The following PRKACB variants were observed in gnomAD, a reference collection of about 807,000 sequenced individuals.
The protein encoded by PRKACB is cAMP-dependent protein kinase catalytic subunit beta.
A neutral mutation model predicts 51.4 loss-of-function variants in PRKACB; 16 were observed. That is an observed-to-expected ratio of 0.31 (90% CI 0.21 to 0.47). The LOEUF (loss-of-function observed/expected upper bound fraction) is 0.47. Among genes scored for constraint, PRKACB ranks in the 20% least tolerant of loss-of-function variants. PRKACB has a pLI of 1.00. For missense variants in PRKACB, 309 were observed against 464.5 expected, an observed-to-expected ratio of 0.67 and a Z score of 3.08; for synonymous variants, 147 against 154.4, an observed-to-expected ratio of 0.95 and a Z score of 0.35.
At chr1:84,195,883 A>G (rs1668100287) in intron 5 of PRKACB, among the ~76,000 whole-genome samples, 2 of 149,380 alleles carry the variant, frequency 1.3e-5, no homozygotes, top group Non-Finnish European at 3.0e-5. Flanking sequence ...ACTGCACTCC[A>G]GCCTGGGCAA....
intron 7 of PRKACB, among the ~76,000 whole-genome samples, chr1:84,200,075 G>A (rs183387799): frequency 2.6e-5 from 4 of 152,108 alleles, no homozygotes; most frequent in Admixed American, 1.3e-4. Context: ...TTGAACTCCC[G>A]ACCTCAAGTG....
At chr1:84,182,967 C>T (rs41300530) in intron 3 of PRKACB, among the ~76,000 whole-genome samples, 2 of 152,018 alleles carry the variant, frequency 1.3e-5, no homozygotes, top group Admixed American at 1.3e-4. Context: ...GATTTGAAAT[C>T]ATCTCAAGTC....
At chr1:84,215,711 T>C (rs1672783300) in intron 9 of PRKACB, among the ~76,000 whole-genome samples, 1 of 152,224 alleles carries the variant, frequency 6.6e-6, no homozygotes, top group African/African-American at 2.4e-5. Flanking sequence ...GTAACAGTAC[T>C]ATATTAATTG....
At chr1:84,206,039 C>T (rs1012138625) in intron 8 of PRKACB, among the ~76,000 whole-genome samples, 1 of 152,012 alleles carries the variant, frequency 6.6e-6, no homozygotes, top group Non-Finnish European at 1.5e-5. Context: ...TGTCTGGCTG[C>T]GTTACCCATG....
intron 1 of PRKACB, among the ~76,000 whole-genome samples, chr1:84,111,318 A>G (rs969900415): frequency 3.9e-5 from 6 of 152,120 alleles, no homozygotes; most frequent in African/African-American, 1.4e-4. Context: ...AGCGTGCCCC[A>G]AACACAAAAT....
chr1:84,231,772 C>A (rs1319276383), intron 9 of PRKACB, among the ~76,000 whole-genome samples: 10 of 152,004 alleles, frequency 6.6e-5, no homozygotes, highest in Admixed American at 2.6e-4. Flanking sequence ...GTGATATCCC[C>A]TTTATCATTT....
At chr1:84,117,749 T>C (rs1004573308) in intron 1 of PRKACB, among the ~76,000 whole-genome samples, 1 of 152,206 alleles carries the variant, frequency 6.6e-6, no homozygotes, top group African/African-American at 2.4e-5. Flanking sequence ...ACTAAACTTT[T>C]GTTGATCGTT....
At chr1:84,167,681 A>C (rs890480173) in intron 1 of PRKACB, among the ~76,000 whole-genome samples, 9 of 151,542 alleles carry the variant, frequency 5.9e-5, no homozygotes, top group African/African-American at 2.2e-4. Context: ...GTACCCAATA[A>C]ATACTTATAG....
At chr1:84,086,094 A>T in intron 1 of PRKACB, 2 of 1,430,452 alleles carry the variant, frequency 1.4e-6, no homozygotes, top group Non-Finnish European at 2.0e-6. Flanking sequence ...ATTGATGACC[A>T]CACAGACCTC....
rs185867313 is a variant in PRKACB at position 84,124,837 on chromosome 1, T to G, written c.46+46466T>G. ...GCTATAGTCTTGGCTAGGGCGTTAG[T>G]AGATCAATGAAATTTTCTCATCAAC... On this transcript the variant is annotated intron_variant, in intron 1 of 8. Coordinates refer to the PRKACB transcript ENST00000370688. 3.8e-3 allele frequency among the ~76,000 whole-genome samples: 572 copies of G among 152,240 alleles called. 3 individuals carry two copies. The highest frequency in any genetic ancestry group is 0.012 in the African/African-American group (512 of 41,550).
intron 1 of PRKACB, among the ~76,000 whole-genome samples, chr1:84,177,797 C>T (rs1319144787): frequency 2.6e-5 from 4 of 151,876 alleles, no homozygotes; most frequent in Admixed American, 6.6e-5. Context: ...CCTTAATCCA[C>T]CCCTCAGGAA....
intron 1 of PRKACB, among the ~76,000 whole-genome samples, chr1:84,096,840 G>A (rs1339615589): frequency 3.3e-5 from 5 of 151,926 alleles, no homozygotes; most frequent in African/African-American, 9.7e-5. Context: ...ATATAATCGT[G>A]ACTAGATCAA....
At chr1:84,122,292 C>T (rs1651149520) in intron 1 of PRKACB, among the ~76,000 whole-genome samples, 1 of 152,090 alleles carries the variant, frequency 6.6e-6, no homozygotes, top group Admixed American at 6.6e-5. Context: ...ATAAAAATAA[C>T]CATGTTAAGA....
chr1:84,140,158 T>C (rs147850760), upstream of PRKACB, among the ~76,000 whole-genome samples: 374 of 152,286 alleles, frequency 2.5e-3, no homozygotes, highest in African/African-American at 4.2e-3. Context: ...GGTGAAAGAA[T>C]TGACACATAT....
At chr1:84,188,642 T>G (rs2101069474) in intron 5 of PRKACB, among the ~76,000 whole-genome samples, 1 of 152,038 alleles carries the variant, frequency 6.6e-6, no homozygotes, top group African/African-American at 2.4e-5. Context: ...AACATAGCCA[T>G]AAATGCAACT....
At chr1:84,107,956 G>A (rs1442018235) in intron 1 of PRKACB, among the ~76,000 whole-genome samples, 3 of 151,930 alleles carry the variant, frequency 2.0e-5, no homozygotes, top group Non-Finnish European at 4.4e-5. Flanking sequence ...ACCTACCATT[G>A]GACCCAGCAA....
At chr1:84,100,200 A>G (rs1016223926) in intron 1 of PRKACB, among the ~76,000 whole-genome samples, 2 of 152,172 alleles carry the variant, frequency 1.3e-5, no homozygotes, top group East Asian at 3.8e-4. Flanking sequence ...TCAAACACTT[A>G]TAAAACTGTC....
intron 1 of PRKACB, chr1:84,175,778 A>C: frequency 1.7e-5 from 26 of 1,569,482 alleles, no homozygotes; most frequent in Non-Finnish European, 2.2e-5. Context: ...TCCTGCAAAC[A>C]AATCTTGGGT....
chr1:84,146,800 A>G (rs1654156282), intron 1 of PRKACB, among the ~76,000 whole-genome samples: 5 of 152,066 alleles, frequency 3.3e-5, no homozygotes, highest in Admixed American at 3.3e-4. Context: ...GTCCAGTGAC[A>G]TTATGTATAG....
Sources: gnomAD v4.1 joint callset for allele counts (sites outside exome capture counted in the v4.1 genomes callset) on GRCh38, gnomAD v4.1.1 for gene constraint, MANE v1.5 for transcripts, NCBI Gene and HGNC (gene_info 2026-07-23, HGNC 2026-07-21) for gene names.